Variants in SPEF2 observed in about 807,000 individuals in gnomAD.
SPEF2 encodes sperm flagella and cilia-associated protein 2.
A neutral mutation model predicts 224.6 loss-of-function variants in SPEF2; 187 were observed. The observed-to-expected ratio is 0.83, with a 90% confidence interval of 0.74 to 0.94. SPEF2 has a LOEUF of 0.94. SPEF2 is among the 40% of genes least tolerant of loss of function. The pLI is 0.00. For missense variants in SPEF2, 2,170 were observed against 2,135.6 expected (o/e 1.02, Z -0.32); for synonymous variants, 715 against 707.3 (o/e 1.01, Z -0.17).
At chr5:35,807,007 G>T in intron 35 of SPEF2, 55 bp downstream of exon 35, 1 of 1,564,680 alleles carries the variant, frequency 6.4e-7, no homozygotes, top group Non-Finnish European at 8.6e-7. Flanking sequence ...TATTTTTATG[G>T]AATTGCTCTC....
intron 2 of SPEF2, among the ~76,000 whole-genome samples, chr5:35,638,762 T>G (rs2149394801): frequency 6.6e-6 from 1 of 152,282 alleles, no homozygotes; most frequent in Admixed American, 6.5e-5. Context: ...TCAACTAGAT[T>G]GTGAAGATCC....
chr5:35,655,319 T>C (rs1315209493), intron 7 of SPEF2, among the ~76,000 whole-genome samples: 3 of 152,212 alleles, frequency 2.0e-5, no homozygotes, highest in African/African-American at 7.2e-5. Flanking sequence ...AGCTTGAGAA[T>C]CACTGATCAT....
Position 35,774,006 on chromosome 5 carries a change from G to A in SPEF2, c.4063G>A (p.Ala1355Thr), listed in dbSNP as rs1393377541. 1 of 1,612,372 alleles carries A rather than the reference G, an allele frequency of 6.2e-7. No individual in the cohort carries two copies. The highest frequency in any genetic ancestry group is 8.5e-7 in the Non-Finnish European group (1 of 1,179,280). The part of the protein sequence containing the change: ...RVKIKEEHLA[A>T]LQFEEIATQF... Reference sequence around the variant, plus strand: ...CAAAATAAAAGAAGAACACCTTGCTGCCTTGCAATTTGAAGGTAGCGATTG... The same window carrying A: ...CAAAATAAAAGAAGAACACCTTGCTACCTTGCAATTTGAAGGTAGCGATTG... Residue 1355 changes from alanine to threonine, a missense_variant, in exon 28 of 37, where the codon GCC becomes ACC. Ala to Thr is a moderately conservative substitution (Grantham distance 58). Coordinates refer to ENST00000356031, the MANE Select transcript of SPEF2 (RefSeq NM_024867.4).
Position 35,695,770 on chromosome 5 carries a change from G to A in SPEF2, c.2011G>A (p.Val671Ile), listed in dbSNP as rs1755221674. 2 of 1,609,706 alleles carry A rather than the reference G, an allele frequency of 1.2e-6. No homozygotes were observed. The highest frequency in any genetic ancestry group is 1.3e-5 in the African/African-American group (1 of 74,812). Reference sequence around the variant, plus strand: ...TGATAAAACACCAAAAGCTGAAGAAGTCAAATCAAGTGATAGTTTCTTAAA... The same window carrying A: ...TGATAAAACACCAAAAGCTGAAGAAATCAAATCAAGTGATAGTTTCTTAAA... ...NADKTPKAEE[V>I]KSSDSFLKLT... The change falls in exon 14 of 37, where the codon GTC becomes ATC. Residue 671 changes from valine (V) to isoleucine (I), a missense_variant. Transcript: ENST00000356031.
intron 20 of SPEF2, among the ~76,000 whole-genome samples, chr5:35,721,511 AC>A (rs1455472961): frequency 1.3e-5 from 2 of 152,144 alleles, no homozygotes; most frequent in Non-Finnish European, 2.9e-5. Context: ...AGTTCTCAAA[AC>A]CCAAAAAGCA....
chr5:35,772,606 G>C (rs1335449884), intron 27 of SPEF2, among the ~76,000 whole-genome samples: 2 of 152,100 alleles, frequency 1.3e-5, no homozygotes, highest in Non-Finnish European at 2.9e-5. Flanking sequence ...GGAGTTAAAG[G>C]AAAGCACTGA....
At chr5:35,727,968 C>G in intron 21 of SPEF2, 145 bp downstream of exon 21, 1 of 779,308 alleles carries the variant, frequency 1.3e-6, no homozygotes, top group Non-Finnish European at 1.9e-6. Flanking sequence ...AGAGACTACT[C>G]AATGACCCAT....
At chr5:35,799,725 C>T (rs369031335) in intron 33 of SPEF2, among the ~76,000 whole-genome samples, 2 of 152,222 alleles carry the variant, frequency 1.3e-5, no homozygotes, top group African/African-American at 4.8e-5. Flanking sequence ...TACAGTATTT[C>T]CTAAATATGT....
chr5:35,705,606 C>T, intron 17 of SPEF2, 45 bp from the exon 18 acceptor site: 1 of 1,408,582 alleles, frequency 7.1e-7, no homozygotes, highest in Non-Finnish European at 9.5e-7. Flanking sequence ...TCATTCTAAT[C>T]TTTTGATCAG....
At chr5:35,723,064 G>A (rs945030472) in intron 20 of SPEF2, among the ~76,000 whole-genome samples, 2 of 152,064 alleles carry the variant, frequency 1.3e-5, no homozygotes, top group African/African-American at 4.8e-5. Context: ...AGGCCAGGCA[G>A]TTTGAATCCC....
At chr5:35,685,768 G>A (rs1448658237) in intron 10 of SPEF2, among the ~76,000 whole-genome samples, 1 of 151,182 alleles carries the variant, frequency 6.6e-6, no homozygotes. Context: ...GTCAAATTTG[G>A]CCAATAATTT....
At chr5:35,798,423 G>A (rs556491049) in intron 33 of SPEF2, among the ~76,000 whole-genome samples, 5 of 151,976 alleles carry the variant, frequency 3.3e-5, no homozygotes, top group African/African-American at 1.2e-4. Context: ...CAGCCCCTTT[G>A]TCTGTCATGC....
intron 1 of SPEF2, among the ~76,000 whole-genome samples, chr5:35,624,024 C>G (rs1422661278): frequency 6.6e-6 from 1 of 152,214 alleles, no homozygotes; most frequent in Non-Finnish European, 1.5e-5. Flanking sequence ...AGCCACAAGT[C>G]TAACAGAGAA....
chr5:35,733,350 G>A (rs1161524826), intron 21 of SPEF2, among the ~76,000 whole-genome samples: 1 of 152,058 alleles, frequency 6.6e-6, no homozygotes, highest in East Asian at 1.9e-4. Context: ...TCCTCACCTC[G>A]TGATCCACCT....
intron 26 of SPEF2, among the ~76,000 whole-genome samples, chr5:35,766,011 A>C (rs1272385857): frequency 6.6e-6 from 1 of 152,118 alleles, no homozygotes; most frequent in Admixed American, 6.6e-5. Context: ...TTTCTTAAAT[A>C]TTACTGGGTT....
At chr5:35,807,056 A>G (rs1758163315) in intron 35 of SPEF2, 75 bp from the exon 36 acceptor site, 1 of 1,564,042 alleles carries the variant, frequency 6.4e-7, no homozygotes, top group Non-Finnish European at 8.6e-7. Context: ...GAATCTCTTT[A>G]GTAAATACAA....
In SPEF2 at chr5:35,806,795, C is replaced by T. The variant is rs371139224; in HGVS notation, c.5099C>T (p.Thr1700Met). 49 of 1,613,550 alleles carry T rather than the reference C, an allele frequency of 3.0e-5. 1 individual carries two copies. The highest frequency in any genetic ancestry group is 2.9e-4 in the African/African-American group (22 of 74,826). Residue 1700 changes from threonine (T) to methionine (M), a missense_variant, in exon 35 of 37, where the codon ACG (threonine) becomes ATG (methionine). Thr to Met is a moderately conservative substitution (Grantham distance 81). Transcript: ENST00000356031. ...AREERKLKDDTEKREQKDEEI... is the reference protein window; with the variant it reads ...AREERKLKDDMEKREQKDEEI... ...GAAGAAAGGAAATTAAAAGACGACACGGAGAAAAGGGAACAGAAGGATGAA... is the reference window on the plus strand; with the variant it reads ...GAAGAAAGGAAATTAAAAGACGACATGGAGAAAAGGGAACAGAAGGATGAA...
intron 6 of SPEF2, among the ~76,000 whole-genome samples, chr5:35,650,905 G>GTAATA (rs201299615): frequency 0.014 from 2,074 of 152,280 alleles, 30 homozygotes; most frequent in South Asian, 0.054. Context: ...GAAATCAGAA[G>GTAATA]GTAAGCAGCC....
At chr5:35,708,644 GCACC>G (rs1740411740) in intron 18 of SPEF2, among the ~76,000 whole-genome samples, 2 of 756 alleles carry the variant, frequency 2.6e-3, no homozygotes, top group Admixed American at 0.014. Context: ...ACCTCTACCA[GCACC>G]TCCACCACCA....
Sources: allele counts gnomAD v4.1 joint callset (sites outside exome capture counted in the v4.1 genomes callset), GRCh38; gene constraint gnomAD v4.1.1; transcripts MANE v1.5; gene names NCBI Gene and HGNC (gene_info 2026-07-23, HGNC 2026-07-21).